Variants in DIAPH2 observed in about 807,000 individuals in gnomAD.
DIAPH2 encodes the protein diaphanous related formin 2.
A neutral mutation model predicts 92.7 loss-of-function variants in DIAPH2; 35 were observed. That is an observed-to-expected ratio of 0.38 (90% CI 0.29 to 0.50). DIAPH2 has a LOEUF of 0.50. DIAPH2 is among the 20% of genes least tolerant of loss of function. The pLI, the probability that DIAPH2 is intolerant of heterozygous loss-of-function variation, is 0.94. For missense variants in DIAPH2, 701 were observed against 819.5 expected (o/e 0.86, Z 1.77); for synonymous variants, 301 against 280.4 (o/e 1.07, Z -0.73).
At chrX:97,061,611 A>G (rs766674495) in intron 17 of DIAPH2, among the ~76,000 whole-genome samples, 1 of 109,189 alleles carries the variant, frequency 9.2e-6, no homozygotes, top group South Asian at 4.1e-4. Context: ...GTTCGAGACC[A>G]GCTTGACCAA....
intron 22 of DIAPH2, among the ~76,000 whole-genome samples, chrX:97,224,895 C>T (rs2067953601): frequency 9.0e-6 from 1 of 111,146 alleles, no homozygotes; most frequent in Admixed American, 9.7e-5. Flanking sequence ...TCAATGCTTG[C>T]ACTTCACTGA....
At chrX:96,805,842 A>G (rs879154891) in intron 4 of DIAPH2, among the ~76,000 whole-genome samples, 1 of 112,298 alleles carries the variant, frequency 8.9e-6, no homozygotes, top group Non-Finnish European at 1.9e-5. Context: ...GCTGTGTAAC[A>G]GTGACTCTTT....
At chrX:97,045,387 T>C (rs1330721462) in intron 17 of DIAPH2, among the ~76,000 whole-genome samples, 1 of 111,780 alleles carries the variant, frequency 8.9e-6, no homozygotes, top group African/African-American at 3.3e-5. Context: ...AGTTGGAGTC[T>C]AGAATTCCAG....
intron 22 of DIAPH2, among the ~76,000 whole-genome samples, chrX:97,231,166 G>A (rs1305673415): frequency 9.1e-6 from 1 of 109,759 alleles, no homozygotes; most frequent in African/African-American, 3.3e-5. Flanking sequence ...CAGTCCATAC[G>A]TTAGGTCAGA....
intron 17 of DIAPH2, among the ~76,000 whole-genome samples, chrX:96,971,633 C>T (rs754354073): frequency 1.8e-5 from 2 of 111,674 alleles, no homozygotes; most frequent in African/African-American, 3.3e-5. Flanking sequence ...TACAAAACCT[C>T]TCATGTATGT....
At chrX:97,109,615 G>A (rs1057146177) in intron 20 of DIAPH2, among the ~76,000 whole-genome samples, 3 of 110,988 alleles carry the variant, frequency 2.7e-5, no homozygotes, top group African/African-American at 9.8e-5. Flanking sequence ...CTCTGAATTT[G>A]GGCTAAGATT....
intron 23 of DIAPH2, among the ~76,000 whole-genome samples, chrX:97,283,539 G>A (rs1226635943): frequency 8.9e-6 from 1 of 112,317 alleles, no homozygotes; most frequent in African/African-American, 3.2e-5. Context: ...CTACTCCCTA[G>A]ACATGAGCGT....
intron 13 of DIAPH2, among the ~76,000 whole-genome samples, chrX:96,944,478 C>T: frequency 9.6e-6 from 1 of 104,339 alleles, no homozygotes. Flanking sequence ...ATCCTGTTAC[C>T]CCCTAACTGC....
At chrX:97,055,944 CTGT>C (rs750557705) in intron 17 of DIAPH2, among the ~76,000 whole-genome samples, 3 of 111,843 alleles carry the variant, frequency 2.7e-5, no homozygotes, top group Non-Finnish European at 3.8e-5. Flanking sequence ...TCACTCCTAT[CTGT>C]TGTTATCAAA....
intron 26 of DIAPH2, among the ~76,000 whole-genome samples, chrX:97,446,861 A>C (rs1267240057): frequency 9.2e-6 from 1 of 108,901 alleles, no homozygotes; most frequent in African/African-American, 3.4e-5. Flanking sequence ...AATGTTGCAA[A>C]AAAAAAAAAA....
intron 4 of DIAPH2, among the ~76,000 whole-genome samples, chrX:96,875,387 A>C (rs377375107): frequency 1.0e-3 from 115 of 112,273 alleles, no homozygotes; most frequent in African/African-American, 3.5e-3. Context: ...ATAAGGGAAC[A>C]ATAAATGATT....
In DIAPH2 at chrX:97,158,811, A is replaced by T. The variant is rs770741311; in HGVS notation, c.2719+17017A>T. ...TCACTGAACAAGTCCATTCACAGGG[A>T]TATTGAAAATGCAAAGTAAGTCCAG... On this transcript the variant is annotated intron_variant, in intron 22 of 26. Transcript: ENST00000324765. Among the ~76,000 whole-genome samples the T allele has an allele frequency of 6.2e-5, 7 of 112,140 alleles. No homozygotes were observed. In the South Asian group the frequency reaches 2.6e-3, roughly 42 times the overall value.
intron 17 of DIAPH2, among the ~76,000 whole-genome samples, chrX:97,034,303 A>G (rs2066395353): frequency 1.8e-5 from 2 of 111,130 alleles, no homozygotes; most frequent in Non-Finnish European, 3.8e-5. Flanking sequence ...ATGTATGTAG[A>G]TAATTAACAG....
chrX:97,109,811 G>A (rs964257032), intron 20 of DIAPH2, among the ~76,000 whole-genome samples: 1 of 111,426 alleles, frequency 9.0e-6, no homozygotes, highest in East Asian at 2.8e-4. Flanking sequence ...TTCATTTTAC[G>A]ATGGTTTATT....
chrX:97,041,625 T>A (rs1194593062), intron 17 of DIAPH2, among the ~76,000 whole-genome samples: 1 of 111,792 alleles, frequency 8.9e-6, no homozygotes, highest in Non-Finnish European at 1.9e-5. Context: ...CTTTCGGCAT[T>A]AAATCTGTTG....
At chrX:96,917,502 T>C (rs1287815074) in intron 8 of DIAPH2, among the ~76,000 whole-genome samples, 1 of 111,662 alleles carries the variant, frequency 9.0e-6, no homozygotes, top group African/African-American at 3.2e-5. Flanking sequence ...ATCCTTAGGA[T>C]TTTATTTTTT....
intron 22 of DIAPH2, among the ~76,000 whole-genome samples, chrX:97,145,365 A>T (rs1302890013): frequency 9.3e-6 from 1 of 107,054 alleles, no homozygotes; most frequent in Non-Finnish European, 1.9e-5. Context: ...AGGATATTAT[A>T]GTTCTTTCTT....
intron 4 of DIAPH2, among the ~76,000 whole-genome samples, chrX:96,846,708 G>A: frequency 9.1e-6 from 1 of 109,499 alleles, no homozygotes; most frequent in South Asian, 3.9e-4. Flanking sequence ...TTTCTAATTA[G>A]ATATTTAGTG....
intron 1 of DIAPH2, among the ~76,000 whole-genome samples, chrX:96,716,747 T>A (rs2063952579): frequency 9.0e-6 from 1 of 111,657 alleles, no homozygotes; most frequent in East Asian, 2.8e-4. Flanking sequence ...TAGTGTTGGG[T>A]CTTCTCTCAT....
Sources: gnomAD v4.1 joint callset for allele counts (sites outside exome capture counted in the v4.1 genomes callset) on GRCh38, gnomAD v4.1.1 for gene constraint, MANE v1.5 for transcripts, NCBI Gene and HGNC (gene_info 2026-07-23, HGNC 2026-07-21) for gene names.